Variants in CCDC102A observed in about 807,000 individuals in gnomAD.
The protein encoded by CCDC102A is coiled-coil domain containing 102A.
CCDC102A carries 40 observed loss-of-function variants against 55.5 expected under a neutral mutation model. The ratio of observed to expected loss-of-function variants is 0.72; its 90% CI spans 0.56 to 0.94. The LOEUF is 0.94. CCDC102A is among the 40% of genes least tolerant of loss of function. The pLI is 0.00. For synonymous variants in CCDC102A, 323 were observed against 339.0 expected, an observed-to-expected ratio of 0.95 and a Z score of 0.52; for missense variants, 779 against 768.6, an observed-to-expected ratio of 1.01 and a Z score of -0.16.
chr16:57,523,168 C>CAA (rs766477645), intron 3 of CCDC102A, among the ~76,000 whole-genome samples: 1 of 135,632 alleles, frequency 7.4e-6, no homozygotes. Flanking sequence ...ACTCTGTCTC[C>CAA]AAAAAAAAAA....
chr16:57,515,553 CGA>C (rs2031941787), intron 7 of CCDC102A, 109 bp from the exon 8 acceptor site: 2 of 714,430 alleles, frequency 2.8e-6, no homozygotes, highest in South Asian at 1.5e-5. Flanking sequence ...GGTGCTCCTC[CGA>C]GAGTGTTTGC....
At chr16:57,522,143 A>G (rs1264833258) in intron 3 of CCDC102A, among the ~76,000 whole-genome samples, 1 of 152,200 alleles carries the variant, frequency 6.6e-6, no homozygotes. Flanking sequence ...CCTCATTCTG[A>G]TTTACATTGA....
At position 57,518,093 on chromosome 16, in the gene CCDC102A, TG is replaced by T. The variant is rs1182984025; in HGVS notation, c.1222del (p.Gln408ArgfsTer14). On this transcript the variant is annotated frameshift_variant, in exon 6 of 9. Transcript: ENST00000258214. LOFTEE classifies it high-confidence loss of function. ...SALDCDLRASQAALFEKNKEL... is the reference protein window; with the variant it reads ...SALDCDLRASXAALFEKNKEL... ...CTTGTTCTTCTCGAAGAGCGCGGCC[TG>T]GCTGGCCCTCAGGTCGCAGTCCAGT... is the stretch of plus-strand genomic sequence containing the variant. 3 of 1,604,016 alleles carry T rather than the reference TG, an allele frequency of 1.9e-6. No homozygotes were observed.
In CCDC102A at chr16:57,516,075, T is replaced by A. The variant is rs1303140711; in HGVS notation, c.1419+218A>T. On this transcript the variant is annotated intron_variant, in intron 7 of 8. Coordinates refer to ENST00000258214, the MANE Select transcript of CCDC102A (RefSeq NM_033212.4). The surrounding 1 kb of genome is among the most constrained non-coding windows in gnomAD (Gnocchi z 4.4). Reference sequence around the variant, plus strand: ...ATTGGTTCATCCATGCACACATCCATCTTGTCTTCTGTTCATTTTTCTTCC... The same window carrying A: ...ATTGGTTCATCCATGCACACATCCAACTTGTCTTCTGTTCATTTTTCTTCC... Among the ~76,000 whole-genome samples, 2 of 152,098 alleles carry A rather than the reference T, an allele frequency of 1.3e-5. No homozygotes were observed. Among genetic ancestry groups the A allele is most frequent in the Non-Finnish European group, 2.9e-5 (2 of 68,014 alleles).
At chr16:57,520,865 G>A (rs528494216) in intron 4 of CCDC102A, among the ~76,000 whole-genome samples, 1 of 151,482 alleles carries the variant, frequency 6.6e-6, no homozygotes, top group African/African-American at 2.4e-5. Context: ...GCTTGAACCC[G>A]GGAGGTGGAG....
intron 1 of CCDC102A, among the ~76,000 whole-genome samples, chr16:57,535,013 C>T (rs897472304): frequency 9.2e-5 from 14 of 152,168 alleles, no homozygotes; most frequent in African/African-American, 1.7e-4. Context: ...CCAACCCCTT[C>T]CCCGGCTCTG....
chr16:57,525,885 G>T lies in CCDC102A; in HGVS notation c.812+16C>A, dbSNP rs748878514. 1.4e-5 allele frequency: 22 copies of T among 1,609,232 alleles called. No homozygotes were observed. The highest frequency in any genetic ancestry group is 1.8e-5 in the Non-Finnish European group (21 of 1,177,584). The stretch of plus-strand genomic sequence containing the variant: ...CCTGGCCCTGGCCCTGCCCCCTCCC[G>T]CCTCCCACGACTCACTCTCGCTCCT... On this transcript the variant is annotated intron_variant, in intron 3 of 8. Transcript: ENST00000258214.
At chr16:57,518,808 G>GT in intron 4 of CCDC102A, 67 bp from the exon 5 acceptor site, 1 of 1,260,466 alleles carries the variant, frequency 7.9e-7, no homozygotes, top group Non-Finnish European at 1.1e-6. Context: ...ACCTCCGGGG[G>GT]TGGGCGCCAG....
rs758527446 is a variant in CCDC102A, at chr16:57,528,628, G to C, written c.550C>G (p.Arg184Gly). ...PEPEAEREPV[R>G]DVGSERPPGS... Reference sequence around the variant, plus strand: ...GGCGGCCTCTCGGACCCGACGTCACGCACTGGCTCGCGCTCCGCTTCCGGC... The same window carrying C: ...GGCGGCCTCTCGGACCCGACGTCACCCACTGGCTCGCGCTCCGCTTCCGGC... Residue 184 changes from arginine to glycine, a missense_variant, in exon 2 of 9, where the codon CGT becomes GGT. Physicochemically the swap from Arg to Gly is moderately radical, Grantham distance 125. Transcript: ENST00000258214. 1.6e-6 allele frequency: 2 copies of C among 1,257,404 alleles called. No individual in the cohort carries two copies. Among genetic ancestry groups the C allele is most frequent in the Non-Finnish European group, 2.0e-6 (2 of 994,080 alleles). 77.9% of individuals were successfully genotyped at this position (1,257,404 alleles called of 1,614,324 possible). A position where few individuals can be genotyped will look rare whatever the true frequency, so the allele number is the denominator to read the frequency against.
intron 8 of CCDC102A, among the ~76,000 whole-genome samples, chr16:57,515,113 G>C (rs4784814): frequency 0.26 from 39,495 of 151,950 alleles, 5,622 homozygotes; most frequent in African/African-American, 0.37. Context: ...CAGCCCTCCT[G>C]CTAGAGGAGA....
At chr16:57,527,532 G>GA (rs1222359662) in intron 2 of CCDC102A, among the ~76,000 whole-genome samples, 3 of 150,468 alleles carry the variant, frequency 2.0e-5, no homozygotes, top group Non-Finnish European at 4.4e-5. Flanking sequence ...CAATTCTCCT[G>GA]CCTCAGCCTT....
In CCDC102A at chr16:57,521,186, G is replaced by C. The variant is rs2032046005; in HGVS notation, c.813-10C>G. ...CAACGCCAGTTTATCCCTGGGGAAGGGACAGACATGGGGGTGAGCCCACCA... is the reference window on the plus strand; with the variant it reads ...CAACGCCAGTTTATCCCTGGGGAAGCGACAGACATGGGGGTGAGCCCACCA... On this transcript the variant is annotated splice_polypyrimidine_tract_variant and intron_variant, in intron 3 of 8. Coordinates refer to ENST00000258214, the MANE Select transcript of CCDC102A (RefSeq NM_033212.4). The C allele has an allele frequency of 6.2e-7, 1 of 1,602,284 alleles. No homozygotes were observed. Among genetic ancestry groups the C allele is most frequent in the Non-Finnish European group, 8.5e-7 (1 of 1,171,964 alleles).
At position 57,528,850 on chromosome 16, in the gene CCDC102A, T is replaced by C; in HGVS notation, c.328A>G (p.Lys110Glu). 1 of 1,342,274 alleles carries C rather than the reference T, an allele frequency of 7.5e-7. No homozygotes were observed. Among genetic ancestry groups the C allele is most frequent in the Non-Finnish European group, 9.6e-7 (1 of 1,037,828 alleles). 83.1% of individuals were successfully genotyped at this position (1,342,274 alleles called of 1,614,324 possible). The change falls in exon 2 of 9, where the codon AAG becomes GAG. Residue 110 changes from lysine (K) to glutamate (E), a missense_variant. By Grantham distance (56) the Lys-to-Glu change is moderately conservative (BLOSUM62 1). Coordinates refer to ENST00000258214, the MANE Select transcript of CCDC102A (RefSeq NM_033212.4). ...GCGCGGTTGCGCTCAGCGCGCACCT[T>C]GCTCCATTTCTCGCGCCAATTGGCA... ...CTANWREKWS[K>E]VRAERNRARE...
In CCDC102A at chr16:57,516,201, G is replaced by C. The variant is rs1305149508; in HGVS notation, c.1419+92C>G. The C allele has an allele frequency of 7.5e-7, 1 of 1,325,672 alleles. No homozygotes were observed. Among genetic ancestry groups the C allele is most frequent in the Non-Finnish European group, 1.0e-6 (1 of 959,820 alleles). The allele number at this position is 1,325,672 out of a possible 1,614,324, so 82.1% of individuals were successfully genotyped here. A position where few individuals can be genotyped will look rare whatever the true frequency, so the allele number is the denominator to read the frequency against. ...GAGACAGGCTTGTGCCAGGCACCAGGGGCTGAGAATGGAGAAGCCAGGATG... is the reference window on the plus strand; with the variant it reads ...GAGACAGGCTTGTGCCAGGCACCAGCGGCTGAGAATGGAGAAGCCAGGATG... On this transcript the variant is annotated intron_variant, in intron 7 of 8. Transcript: ENST00000258214. The surrounding 1 kb of genome is among the most constrained non-coding windows in gnomAD (Gnocchi z 4.4).
intron 4 of CCDC102A, among the ~76,000 whole-genome samples, chr16:57,520,591 CATAA>C (rs1342720688): frequency 4.2e-4 from 43 of 103,608 alleles, no homozygotes; most frequent in African/African-American, 1.6e-3. Context: ...CATAACATAA[CATAA>C]ATAAAATAAA....
chr16:57,525,800 A>C, intron 3 of CCDC102A, 101 bp downstream of exon 3: 1 of 1,069,876 alleles, frequency 9.3e-7, no homozygotes. Flanking sequence ...TACAGTCTAA[A>C]CACTACCTGT....
intron 8 of CCDC102A, 98 bp downstream of exon 8, chr16:57,515,243 C>A (rs75001283): frequency 2.6e-6 from 2 of 771,066 alleles, no homozygotes; most frequent in African/African-American, 1.7e-5. Context: ...TCTCTTCCTT[C>A]GTCTCCCCCT....
Position 57,516,386 on chromosome 16 carries a change from G to A in CCDC102A, c.1326C>T (p.Ala442=). The A allele has an allele frequency of 6.2e-7, 1 of 1,609,962 alleles. No homozygotes were observed. Among genetic ancestry groups the A allele is most frequent in the Non-Finnish European group, 8.5e-7 (1 of 1,180,012 alleles). Residue 442 remains alanine, a synonymous_variant, in exon 7 of 9, where the codon GCC becomes GCT. Transcript: ENST00000258214. This position sits in a 1 kb window ranked among gnomAD's most constrained non-coding sequence, Gnocchi z 4.4. ...FQEKVAELAH[A]NRRVEQHEAE... The stretch of plus-strand genomic sequence containing the variant: ...CCTCGTGCTGCTCCACCCGCCGGTT[G>A]GCATGTGCCAGCTCTGCCACCTTCT...
At chr16:57,536,438 G>A in intron 1 of CCDC102A, 62 bp downstream of exon 1, 1 of 152,442 alleles carries the variant, frequency 6.6e-6, no homozygotes, top group Non-Finnish European at 1.5e-5. Flanking sequence ...AAGGCGCGCG[G>A]CCTGGAGCAA....
Sources: gnomAD v4.1 joint callset for allele counts (sites outside exome capture counted in the v4.1 genomes callset) on GRCh38, gnomAD v4.1.1 for gene constraint, Gnocchi (gnomAD v3.1) non-coding constraint, MANE v1.5 for transcripts, NCBI Gene and HGNC (gene_info 2026-07-23, HGNC 2026-07-21) for gene names.